The following SMYD3 variants were observed in gnomAD, a reference collection of about 807,000 sequenced individuals.
The protein encoded by SMYD3 is SET and MYND domain containing 3.
A neutral mutation model predicts 57.7 loss-of-function variants in SMYD3; 36 were observed. The observed-to-expected ratio is 0.62, with a 90% confidence interval of 0.48 to 0.82. SMYD3 has a LOEUF of 0.82. Ranked by LOEUF, SMYD3 falls within the 40% of genes least tolerant of loss-of-function variation. The pLI, the probability that SMYD3 is intolerant of heterozygous loss-of-function variation, is 0.00. For missense variants in SMYD3, 515 were observed against 538.8 expected (o/e 0.96, Z 0.44); for synonymous variants, 211 against 195.0 (o/e 1.08, Z -0.68).
intron 5 of SMYD3, chr1:245,930,430 C>T (rs575563138): frequency 3.3e-5 from 11 of 330,130 alleles, no homozygotes; most frequent in East Asian, 2.4e-4. Context: ...TCGTCTGATG[C>T]GTGTTGGTGA....
intron 5 of SMYD3, among the ~76,000 whole-genome samples, chr1:246,016,488 CAGG>C (rs2148211721): frequency 6.6e-6 from 1 of 151,952 alleles, no homozygotes; most frequent in African/African-American, 2.4e-5. Flanking sequence ...GAGGCTGAGG[CAGG>C]AGAATTGCTT....
intron 5 of SMYD3, among the ~76,000 whole-genome samples, chr1:246,283,984 T>C (rs1572335983): frequency 6.6e-6 from 1 of 152,184 alleles, no homozygotes; most frequent in Non-Finnish European, 1.5e-5. Context: ...TATCAACCAG[T>C]AGAAAAATCA....
At chr1:245,798,827 TTCTC>T (rs1212928299) in intron 10 of SMYD3, among the ~76,000 whole-genome samples, 3 of 152,114 alleles carry the variant, frequency 2.0e-5, no homozygotes, top group Admixed American at 6.5e-5. Flanking sequence ...TCCTCCCACT[TTCTC>T]TCATTCTTTT....
At chr1:245,817,041 C>T (rs1279395192) in intron 10 of SMYD3, among the ~76,000 whole-genome samples, 1 of 151,590 alleles carries the variant, frequency 6.6e-6, no homozygotes, top group Admixed American at 6.6e-5. Context: ...GGGTGGAGCC[C>T]ACCACAGCTC....
chr1:245,941,405 G>C (rs886534671), intron 5 of SMYD3, among the ~76,000 whole-genome samples: 1 of 152,086 alleles, frequency 6.6e-6, no homozygotes, highest in Non-Finnish European at 1.5e-5. Flanking sequence ...AAATGTTAAG[G>C]GCGGCCAGAG....
intron 5 of SMYD3, among the ~76,000 whole-genome samples, chr1:246,042,374 A>C (rs2059893575): frequency 6.6e-6 from 1 of 152,184 alleles, no homozygotes; most frequent in African/African-American, 2.4e-5. Context: ...ATAAGAATAT[A>C]ACTGTAATTC....
chr1:245,873,098 C>T (rs1483795997), intron 8 of SMYD3, among the ~76,000 whole-genome samples: 1 of 152,194 alleles, frequency 6.6e-6, no homozygotes, highest in African/African-American at 2.4e-5. Flanking sequence ...GTGGTGCTTG[C>T]TAAAAATGAG....
chr1:246,359,926 CT>C (rs779731408), intron 1 of SMYD3, among the ~76,000 whole-genome samples: 6 of 152,246 alleles, frequency 3.9e-5, no homozygotes, highest in Admixed American at 3.9e-4. Context: ...ACTTTTACCA[CT>C]TCTACTCAAC....
Position 246,400,293 on chromosome 1 carries a change from T to C in SMYD3, c.165-45199A>G, listed in dbSNP as rs533767492. On this transcript the variant is annotated intron_variant, in intron 1 of 11. Transcript: ENST00000490107. ...CACAAAGCTTAGTCTAGCAGGATAGTAACTTAAGACACTGAAACAGTATAT... is the reference window on the plus strand; with the variant it reads ...CACAAAGCTTAGTCTAGCAGGATAGCAACTTAAGACACTGAAACAGTATAT... Among the ~76,000 whole-genome samples, 7 of 152,398 alleles carry C rather than the reference T, an allele frequency of 4.6e-5. No individual in the cohort carries two copies. In the South Asian group the frequency reaches 1.4e-3, roughly 32 times the overall value.
intron 4 of SMYD3, among the ~76,000 whole-genome samples, chr1:246,329,550 C>A (rs1436641118): frequency 6.6e-6 from 1 of 151,832 alleles, no homozygotes; most frequent in Non-Finnish European, 1.5e-5. Context: ...TTGTTTTTTT[C>A]TTGTTAATTT....
At chr1:246,234,003 A>T (rs199536720) in intron 5 of SMYD3, among the ~76,000 whole-genome samples, 14 of 120,594 alleles carry the variant, frequency 1.2e-4, no homozygotes, top group South Asian at 6.9e-4. Context: ...ATGAACATAT[A>T]CCACACAGAG....
rs1391744997 is a variant in SMYD3, at chr1:246,335,288, T to G, written c.336+79A>C. On this transcript the variant is annotated intron_variant, in intron 3 of 11. Transcript: ENST00000490107. ...AGTCTGAAACTGAACCTGCAACATC[T>G]CTGAGGTATACCGGAAAATGCAATT... is the stretch of plus-strand genomic sequence containing the variant. 6.4e-6 allele frequency: 8 copies of G among 1,242,526 alleles called. No individual in the cohort carries two copies. In the Admixed American group the frequency reaches 1.4e-4, roughly 22 times the overall value. The allele number at this position is 1,242,526 out of a possible 1,614,324, so 77.0% of individuals were successfully genotyped here.
intron 5 of SMYD3, among the ~76,000 whole-genome samples, chr1:246,040,113 G>T (rs944462138): frequency 2.0e-5 from 3 of 152,202 alleles, no homozygotes; most frequent in Non-Finnish European, 4.4e-5. Context: ...TCATGAAACA[G>T]AAATAGCATT....
chr1:246,140,060 A>C (rs1407939573), intron 5 of SMYD3, among the ~76,000 whole-genome samples: 1 of 152,242 alleles, frequency 6.6e-6, no homozygotes, highest in Admixed American at 6.5e-5. Flanking sequence ...ATCATTCTTT[A>C]GTTACATAAG....
intron 5 of SMYD3, chr1:245,947,456 G>A (rs1186249413): frequency 4.4e-6 from 2 of 456,394 alleles, no homozygotes; most frequent in Admixed American, 4.7e-5. Context: ...AATGCCTTCT[G>A]CTACCCCATG....
intron 5 of SMYD3, among the ~76,000 whole-genome samples, chr1:246,259,605 C>G (rs555237468): frequency 6.6e-6 from 1 of 152,150 alleles, no homozygotes; most frequent in Non-Finnish European, 1.5e-5. Context: ...TAGGTAAGAG[C>G]CAGTTGCAGC....
chr1:246,375,393 G>A (rs1450947067), intron 1 of SMYD3, among the ~76,000 whole-genome samples: 1 of 125,440 alleles, frequency 8.0e-6, no homozygotes, highest in African/African-American at 3.0e-5. Context: ...GACACAACAT[G>A]AGAGTAAATG....
At chr1:245,969,513 T>C (rs1411073610) in intron 5 of SMYD3, among the ~76,000 whole-genome samples, 2 of 152,210 alleles carry the variant, frequency 1.3e-5, no homozygotes, top group Non-Finnish European at 1.5e-5. Context: ...GCCATCCTGT[T>C]GTAAATCAGT....
At chr1:246,117,387 A>T (rs2061356862) in intron 5 of SMYD3, among the ~76,000 whole-genome samples, 1 of 152,194 alleles carries the variant, frequency 6.6e-6, no homozygotes, top group Non-Finnish European at 1.5e-5. Context: ...TGCTTCAACA[A>T]AACACAGTAG....
Sources: gnomAD v4.1 joint callset for allele counts (sites outside exome capture counted in the v4.1 genomes callset) on GRCh38, gnomAD v4.1.1 for gene constraint, MANE v1.5 for transcripts, NCBI Gene and HGNC (gene_info 2026-07-23, HGNC 2026-07-21) for gene names.